Variants in PLCL1 observed in about 807,000 individuals in gnomAD.
PLCL1 encodes the protein inactive phospholipase C-like protein 1.
PLCL1 carries 41 observed loss-of-function variants against 84.4 expected under a neutral mutation model. The observed-to-expected ratio is 0.49, with a 90% CI of 0.38 to 0.63. The LOEUF (loss-of-function observed/expected upper bound fraction) is 0.63. PLCL1 is among the 30% of genes least tolerant of loss of function. The pLI, the probability that PLCL1 is intolerant of heterozygous loss-of-function variation, is 0.00. For missense variants in PLCL1, 1,206 were observed against 1,367.8 expected, an observed-to-expected ratio of 0.88 and a Z score of 1.87; for synonymous variants, 490 against 488.3, an observed-to-expected ratio of 1.00 and a Z score of -0.05.
chr2:197,813,579 C>G (rs545335846), intron 1 of PLCL1, among the ~76,000 whole-genome samples: 1 of 151,986 alleles, frequency 6.6e-6, no homozygotes. Context: ...CTAGTAACAT[C>G]TTGAATTGGT....
chr2:197,982,581 T>C (rs1052438545), intron 1 of PLCL1, among the ~76,000 whole-genome samples: 1 of 152,236 alleles, frequency 6.6e-6, no homozygotes, highest in African/African-American at 2.4e-5. Context: ...TTTACGAATC[T>C]CAAAAATTTG....
chr2:198,017,576 A>G (rs113381932), intron 1 of PLCL1, among the ~76,000 whole-genome samples: 2,861 of 152,348 alleles, frequency 0.019, 92 homozygotes, highest in African/African-American at 0.065. Flanking sequence ...AATTGTTGAC[A>G]TTATTCTAAC....
At chr2:198,049,933 G>T (rs1274424737) in intron 1 of PLCL1, among the ~76,000 whole-genome samples, 1 of 152,172 alleles carries the variant, frequency 6.6e-6, no homozygotes, top group East Asian at 1.9e-4. Flanking sequence ...GTAAATATGA[G>T]AATTGATGGG....
intron 5 of PLCL1, among the ~76,000 whole-genome samples, chr2:198,115,934 A>C (rs1391078639): frequency 6.8e-6 from 1 of 148,084 alleles, no homozygotes; most frequent in Non-Finnish European, 1.5e-5. Context: ...GAAATATAAA[A>C]TTATTAAATA....
rs370732525 is a variant in PLCL1 at position 198,114,866 on chromosome 2, A to G, written c.3105+10930A>G. Among the ~76,000 whole-genome samples, 4 of 151,930 alleles carry G rather than the reference A, an allele frequency of 2.6e-5. No individual in the cohort carries two copies. The East Asian group carries it at 7.8e-4, about 30-fold the overall frequency. ...ATATACACACATATATGGTATGCAC[A>G]CAGACATTGTCAAATAAAGTCAAAT... On this transcript the variant is annotated intron_variant, in intron 5 of 5. Transcript: ENST00000428675.
chr2:197,891,143 T>C (rs1394720510), intron 1 of PLCL1, among the ~76,000 whole-genome samples: 1 of 151,898 alleles, frequency 6.6e-6, no homozygotes, highest in Non-Finnish European at 1.5e-5. Flanking sequence ...CAGAGATACA[T>C]AGCATGCATC....
intron 3 of PLCL1, among the ~76,000 whole-genome samples, chr2:198,095,078 G>T (rs897021100): frequency 6.6e-6 from 1 of 152,156 alleles, no homozygotes; most frequent in Non-Finnish European, 1.5e-5. Context: ...ACAAAGAGAA[G>T]AGCTGTTGGC....
rs114910829 is a variant in PLCL1, at chr2:198,096,302, T to C, written c.2920-4983T>C. On this transcript the variant is annotated intron_variant, in intron 3 of 5. Transcript: ENST00000428675. ...ACAGTGACTTATAACACACTTCTTCTACCACCTCTGCCACCTGGTACTCAG... is the reference window on the plus strand; with the variant it reads ...ACAGTGACTTATAACACACTTCTTCCACCACCTCTGCCACCTGGTACTCAG... 1.2e-3 allele frequency among the ~76,000 whole-genome samples: 177 copies of C among 152,330 alleles called. 1 individual carries two copies. The highest frequency in any genetic ancestry group is 3.9e-3 in the African/African-American group (162 of 41,578).
rs1692796405 is a variant in PLCL1, at chr2:198,084,247, T to C, written c.730T>C (p.Leu244=). The part of the protein sequence containing the change: ...GNQNTPRFMW[L]KTVFEAADVD... ...CCAGAACACACCACGGTTCATGTGG[T>C]TGAAAACAGTGTTTGAAGCAGCAGA... Residue 244 remains leucine, a synonymous_variant, in exon 2 of 6, where the codon TTG becomes CTG. Coordinates refer to ENST00000428675, the MANE Select transcript of PLCL1 (RefSeq NM_006226.4). 3.7e-6 allele frequency: 6 copies of C among 1,614,108 alleles called. No homozygotes were observed. Among genetic ancestry groups the C allele is most frequent in the Admixed American group, 1.7e-5 (1 of 59,994 alleles).
chr2:197,979,029 C>G (rs1178799764), intron 1 of PLCL1, among the ~76,000 whole-genome samples: 1 of 152,148 alleles, frequency 6.6e-6, no homozygotes, highest in Non-Finnish European at 1.5e-5. Flanking sequence ...CTCTGTAGGC[C>G]CAGTTTTCTT....
intron 5 of PLCL1, among the ~76,000 whole-genome samples, chr2:198,104,853 C>G (rs1161071036): frequency 1.3e-5 from 2 of 151,914 alleles, no homozygotes; most frequent in Non-Finnish European, 2.9e-5. Context: ...CTGTTCACGT[C>G]CTTTGCCTGC....
chr2:198,030,055 A>C (rs1203394488), intron 1 of PLCL1, among the ~76,000 whole-genome samples: 2 of 151,968 alleles, frequency 1.3e-5, no homozygotes, highest in African/African-American at 4.8e-5. Context: ...CAGGTTTGTT[A>C]CACAGGTAAA....
At chr2:197,978,704 T>C (rs796534810) in intron 1 of PLCL1, among the ~76,000 whole-genome samples, 4 of 152,374 alleles carry the variant, frequency 2.6e-5, no homozygotes, top group African/African-American at 9.6e-5. Context: ...CAGAGCCTAT[T>C]CTGGCAGCTC....
intron 1 of PLCL1, among the ~76,000 whole-genome samples, chr2:197,835,302 C>G (rs1691161995): frequency 6.6e-6 from 1 of 152,052 alleles, no homozygotes; most frequent in African/African-American, 2.4e-5. Context: ...AATAAAAAAA[C>G]CATAGTGTTA....
At chr2:197,912,138 C>A (rs567099523) in intron 1 of PLCL1, among the ~76,000 whole-genome samples, 1 of 152,160 alleles carries the variant, frequency 6.6e-6, no homozygotes, top group Non-Finnish European at 1.5e-5. Context: ...TGGAATCCAT[C>A]AACTTGGTTT....
At chr2:197,907,777 T>G (rs889414826) in intron 1 of PLCL1, among the ~76,000 whole-genome samples, 6 of 152,242 alleles carry the variant, frequency 3.9e-5, no homozygotes, top group African/African-American at 1.4e-4. Context: ...TGCCTCTTTT[T>G]CAATGGTTCT....
In PLCL1 at chr2:198,016,729, C is replaced by T. The variant is rs745713384; in HGVS notation, c.241-67029C>T. ...TTATTACTTAGGGCTCAACTTTGAA[C>T]GAACTTGAGGTTACAAAGCTCAGTA... On this transcript the variant is annotated intron_variant, in intron 1 of 5. Transcript: ENST00000428675. 1.6e-4 allele frequency among the ~76,000 whole-genome samples: 25 copies of T among 152,174 alleles called. 1 individual carries two copies. Among genetic ancestry groups the T allele is most frequent in the Admixed American group, 5.9e-4 (9 of 15,276 alleles).
chr2:198,037,634 C>A (rs1211799810), intron 1 of PLCL1, among the ~76,000 whole-genome samples: 2 of 152,214 alleles, frequency 1.3e-5, no homozygotes, highest in African/African-American at 4.8e-5. Flanking sequence ...ATCTTAAATA[C>A]TCTCTATCAA....
intron 1 of PLCL1, among the ~76,000 whole-genome samples, chr2:198,049,550 T>A (rs889422212): frequency 1.3e-5 from 2 of 152,158 alleles, no homozygotes; most frequent in Non-Finnish European, 2.9e-5. Context: ...AGATTTTCAA[T>A]ATAGCTTAAC....
Sources: allele counts gnomAD v4.1 joint callset (sites outside exome capture counted in the v4.1 genomes callset), GRCh38; gene constraint gnomAD v4.1.1; transcripts MANE v1.5; gene names NCBI Gene and HGNC (gene_info 2026-07-23, HGNC 2026-07-21).